The following CDH18 variants were observed in gnomAD, a reference collection of about 807,000 sequenced individuals.
CDH18 encodes the protein cadherin 18.
In CDH18, 31 loss-of-function variants were observed where a neutral mutation model predicts 67.9. That is an observed-to-expected ratio of 0.46 (90% CI 0.34 to 0.62). The LOEUF (loss-of-function observed/expected upper bound fraction) is 0.62, where lower values mean the gene tolerates loss of function less well. CDH18 is among the 20% of genes least tolerant of loss of function. The probability of loss-of-function intolerance (pLI) is 0.01; values close to 1 mark genes in which losing one functional copy is unlikely to be tolerated. For missense variants in CDH18, 890 were observed against 975.5 expected, an observed-to-expected ratio of 0.91 and a Z score of 1.17; for synonymous variants, 362 against 347.2, an observed-to-expected ratio of 1.04 and a Z score of -0.48.
chr5:20,524,026 T>C (rs1478794911), intron 1 of CDH18, among the ~76,000 whole-genome samples: 1 of 152,212 alleles, frequency 6.6e-6, no homozygotes, highest in Non-Finnish European at 1.5e-5. Context: ...CTATTTTGTG[T>C]TAAACGGAGA....
intron 2 of CDH18, among the ~76,000 whole-genome samples, chr5:20,095,460 GAAGA>G (rs1318300116): frequency 3.1e-5 from 3 of 98,288 alleles, no homozygotes; most frequent in Non-Finnish European, 4.0e-5. Context: ...AAGAAAGAAA[GAAGA>G]AAGAAGGAAG....
At chr5:20,105,366 A>C (rs1746838212) in intron 2 of CDH18, among the ~76,000 whole-genome samples, 1 of 152,212 alleles carries the variant, frequency 6.6e-6, no homozygotes, top group Non-Finnish European at 1.5e-5. Flanking sequence ...ACTTGAGAAA[A>C]AGAAATGTTA....
chr5:19,732,772 C>T (rs2150647266), intron 4 of CDH18, among the ~76,000 whole-genome samples: 1 of 152,224 alleles, frequency 6.6e-6, no homozygotes, highest in East Asian at 1.9e-4. Flanking sequence ...TATATTTCAT[C>T]TCTTATATCT....
chr5:19,506,455 A>G (rs1744179294), intron 10 of CDH18, among the ~76,000 whole-genome samples: 1 of 152,226 alleles, frequency 6.6e-6, no homozygotes, highest in Admixed American at 6.5e-5. Context: ...TTCCAAGTCA[A>G]TCCTAAGCCA....
chr5:19,496,433 C>A (rs1355588140), intron 11 of CDH18, among the ~76,000 whole-genome samples: 2 of 152,116 alleles, frequency 1.3e-5, no homozygotes, highest in African/African-American at 4.8e-5. Context: ...TAGTCACCGA[C>A]ACAATAATGT....
intron 3 of CDH18, among the ~76,000 whole-genome samples, chr5:19,822,784 G>C (rs932642740): frequency 6.6e-6 from 1 of 152,134 alleles, no homozygotes; most frequent in African/African-American, 2.4e-5. Context: ...CATTGTCATT[G>C]ATAACATTTT....
intron 1 of CDH18, among the ~76,000 whole-genome samples, chr5:20,557,731 G>A (rs1026690744): frequency 6.6e-6 from 1 of 151,912 alleles, no homozygotes; most frequent in Non-Finnish European, 1.5e-5. Flanking sequence ...ACAGACATCT[G>A]GTGCGTGGAC....
intron 12 of CDH18, 70 bp downstream of exon 12, chr5:19,483,231 A>C: frequency 6.7e-7 from 1 of 1,484,526 alleles, no homozygotes; most frequent in African/African-American, 1.4e-5. Flanking sequence ...CTAATCCTTA[A>C]GATTTGTCAA....
At chr5:19,550,471 T>A (rs1737213772) in intron 8 of CDH18, among the ~76,000 whole-genome samples, 2 of 151,738 alleles carry the variant, frequency 1.3e-5, no homozygotes, top group South Asian at 4.2e-4. Flanking sequence ...TGTCCATGTG[T>A]TCTCATTGTT....
Position 20,151,954 on chromosome 5 carries a change from TAATTA to T in CDH18, c.-518+103485_-518+103489del, listed in dbSNP as rs139591765. ...CCATGGAATCCAGAATATATACTGG[TAATTA>T]AATTGTATTTACTCTTAATTCAAAG... On this transcript the variant is annotated intron_variant, in intron 2 of 14. Coordinates refer to the CDH18 transcript ENST00000507958. 2.4e-3 allele frequency among the ~76,000 whole-genome samples: 365 copies of T among 151,428 alleles called. 3 individuals carry two copies. The highest frequency in any genetic ancestry group is 8.5e-3 in the African/African-American group (351 of 41,452).
intron 1 of CDH18, among the ~76,000 whole-genome samples, chr5:20,423,483 G>T (rs1312420711): frequency 6.6e-6 from 1 of 150,992 alleles, no homozygotes; most frequent in African/African-American, 2.5e-5. Flanking sequence ...TGTCTTGAAA[G>T]TCAATAACCA....
intron 3 of CDH18, among the ~76,000 whole-genome samples, chr5:19,802,219 A>G (rs1777545464): frequency 6.6e-6 from 1 of 152,162 alleles, no homozygotes; most frequent in South Asian, 2.1e-4. Context: ...TGTGTTTAAT[A>G]CTTCTCATAA....
At chr5:20,487,979 G>A (rs961640135) in intron 1 of CDH18, among the ~76,000 whole-genome samples, 1 of 152,028 alleles carries the variant, frequency 6.6e-6, no homozygotes, top group African/African-American at 2.4e-5. Context: ...AGTGAATTTG[G>A]AGTTGCTTTT....
chr5:20,450,219 C>T (rs909519005), intron 1 of CDH18, among the ~76,000 whole-genome samples: 7 of 151,948 alleles, frequency 4.6e-5, no homozygotes, highest in African/African-American at 1.7e-4. Flanking sequence ...TGGTGGCACA[C>T]GCCTGTAATC....
intron 1 of CDH18, among the ~76,000 whole-genome samples, chr5:20,511,597 G>A (rs1755040946): frequency 6.6e-6 from 1 of 152,150 alleles, no homozygotes; most frequent in African/African-American, 2.4e-5. Context: ...GTCCATGCTT[G>A]CTGAATGTTC....
intron 1 of CDH18, among the ~76,000 whole-genome samples, chr5:20,289,299 T>C (rs1369941416): frequency 6.6e-6 from 1 of 152,170 alleles, no homozygotes; most frequent in African/African-American, 2.4e-5. Flanking sequence ...AGATAATTAT[T>C]AAATGTTAAC....
intron 2 of CDH18, among the ~76,000 whole-genome samples, chr5:20,185,431 T>G (rs1738020266): frequency 6.6e-6 from 1 of 152,074 alleles, no homozygotes; most frequent in Non-Finnish European, 1.5e-5. Context: ...CTCCGTTGCC[T>G]GCCCATGTCA....
chr5:19,771,264 G>T (rs760119515), intron 3 of CDH18, among the ~76,000 whole-genome samples: 22 of 152,172 alleles, frequency 1.4e-4, no homozygotes, highest in Non-Finnish European at 2.4e-4. Context: ...AAAAGTGATG[G>T]ATGTCACTTG....
At chr5:19,753,744 T>G (rs1338205289) in intron 3 of CDH18, among the ~76,000 whole-genome samples, 2 of 152,270 alleles carry the variant, frequency 1.3e-5, no homozygotes, top group Admixed American at 6.5e-5. Context: ...CCAGGTATCC[T>G]ACAAAGGAAA....
Sources: allele counts gnomAD v4.1 joint callset (sites outside exome capture counted in the v4.1 genomes callset), GRCh38; gene constraint gnomAD v4.1.1; transcripts MANE v1.5; gene names NCBI Gene and HGNC (gene_info 2026-07-23, HGNC 2026-07-21).